The following RAPGEF4 variants were observed in gnomAD, a reference collection of about 807,000 sequenced individuals.
The protein encoded by RAPGEF4 is RAP guanine-nucleotide-exchange factor (GEF) 4.
A neutral mutation model predicts 147.9 loss-of-function variants in RAPGEF4; 66 were observed. That is an observed-to-expected ratio of 0.45 (90% CI 0.37 to 0.55). RAPGEF4 has a LOEUF of 0.55. RAPGEF4 is among the 20% of genes least tolerant of loss of function. RAPGEF4 has a pLI of 0.00. For synonymous variants in RAPGEF4, 419 were observed against 442.7 expected, an observed-to-expected ratio of 0.95 and a Z score of 0.67; for missense variants, 1,071 against 1,257.3, an observed-to-expected ratio of 0.85 and a Z score of 2.24.
chr2:172,943,340 T>A (rs1687358956), intron 6 of RAPGEF4, among the ~76,000 whole-genome samples: 1 of 152,048 alleles, frequency 6.6e-6, no homozygotes, highest in Non-Finnish European at 1.5e-5. Flanking sequence ...AAGGGGAAGG[T>A]AAGCAAGGAC....
intron 1 of RAPGEF4, among the ~76,000 whole-genome samples, chr2:172,753,902 C>CT: frequency 7.8e-6 from 1 of 127,434 alleles, no homozygotes; most frequent in Non-Finnish European, 1.7e-5. Flanking sequence ...ACACACACAC[C>CT]CGACACACAC....
chr2:172,874,818 A>G (rs1009867803), intron 4 of RAPGEF4, among the ~76,000 whole-genome samples: 8 of 152,224 alleles, frequency 5.3e-5, no homozygotes, highest in African/African-American at 1.9e-4. Flanking sequence ...CTGAGGAATC[A>G]CCACACTGTC....
At chr2:173,002,048 A>G (rs2105807367) in intron 17 of RAPGEF4, among the ~76,000 whole-genome samples, 1 of 146,196 alleles carries the variant, frequency 6.8e-6, no homozygotes, top group South Asian at 2.3e-4. Context: ...AGAAAGGGTT[A>G]TGGAGAAGAA....
chr2:172,793,226 T>C (rs1301705576), intron 1 of RAPGEF4, among the ~76,000 whole-genome samples: 4 of 152,206 alleles, frequency 2.6e-5, no homozygotes, highest in African/African-American at 9.7e-5. Context: ...GTGCTAGTTA[T>C]TAGATTAGGG....
At chr2:173,043,595 C>G (rs1685040375) in intron 29 of RAPGEF4, among the ~76,000 whole-genome samples, 1 of 152,194 alleles carries the variant, frequency 6.6e-6, no homozygotes, top group Non-Finnish European at 1.5e-5. Flanking sequence ...AGAGTCAGTG[C>G]AAGCTGGCTA....
At chr2:172,849,617 G>A (rs886848041) in intron 4 of RAPGEF4, among the ~76,000 whole-genome samples, 27 of 152,144 alleles carry the variant, frequency 1.8e-4, no homozygotes, top group Admixed American at 1.1e-3. Context: ...CTTTGTACAC[G>A]AAGGCACAGC....
intron 29 of RAPGEF4, among the ~76,000 whole-genome samples, chr2:173,045,988 C>A (rs1483849152): frequency 6.6e-6 from 1 of 152,134 alleles, no homozygotes; most frequent in African/African-American, 2.4e-5. Flanking sequence ...TTAAGTTAAC[C>A]CTTCTTTGGC....
At chr2:172,904,353 T>C (rs988515925) in intron 4 of RAPGEF4, among the ~76,000 whole-genome samples, 1 of 152,276 alleles carries the variant, frequency 6.6e-6, no homozygotes, top group Non-Finnish European at 1.5e-5. Context: ...TGGACTGTAG[T>C]AGATTCAGAC....
chr2:172,808,912 C>T (rs1331944780), intron 3 of RAPGEF4, among the ~76,000 whole-genome samples: 1 of 152,212 alleles, frequency 6.6e-6, no homozygotes, highest in African/African-American at 2.4e-5. Context: ...TTGCCTGATG[C>T]CCTGCCTTCC....
chr2:172,790,762 T>C (rs1051512189), intron 1 of RAPGEF4, among the ~76,000 whole-genome samples: 2 of 152,240 alleles, frequency 1.3e-5, no homozygotes, highest in African/African-American at 4.8e-5. Context: ...TTGTGCTTCA[T>C]ATGCCCTTTA....
chr2:173,017,260 A>C, intron 20 of RAPGEF4, 56 bp downstream of exon 20: 1 of 1,563,094 alleles, frequency 6.4e-7, no homozygotes, highest in East Asian at 2.2e-5. Context: ...ACAATTCCCC[A>C]GAAATATTAT....
intron 23 of RAPGEF4, 123 bp from the exon 24 acceptor site, chr2:173,026,449 T>G: frequency 1.9e-6 from 2 of 1,078,204 alleles, no homozygotes; most frequent in African/African-American, 1.6e-5. Flanking sequence ...CCTCAGAGTT[T>G]CCAGATATTC....
chr2:172,749,155 G>A (rs1041516559), intron 1 of RAPGEF4, among the ~76,000 whole-genome samples: 4 of 152,172 alleles, frequency 2.6e-5, no homozygotes, highest in African/African-American at 9.7e-5. Context: ...CTACCATTCT[G>A]GGGTTTGGAG....
intron 1 of RAPGEF4, among the ~76,000 whole-genome samples, chr2:172,760,301 C>T (rs746660918): frequency 5.9e-5 from 9 of 152,096 alleles, no homozygotes; most frequent in Non-Finnish European, 1.2e-4. Flanking sequence ...CAATTATGAA[C>T]ACAGAGCATA....
intron 3 of RAPGEF4, among the ~76,000 whole-genome samples, chr2:172,806,757 A>C (rs1559051053): frequency 6.6e-6 from 1 of 152,176 alleles, no homozygotes; most frequent in Non-Finnish European, 1.5e-5. Context: ...TATCACTGTG[A>C]AATTATCTGG....
intron 1 of RAPGEF4, among the ~76,000 whole-genome samples, chr2:172,737,910 G>A (rs1693956185): frequency 6.6e-6 from 1 of 152,176 alleles, no homozygotes; most frequent in African/African-American, 2.4e-5. Flanking sequence ...GAAAAAAAAG[G>A]TGAAATAGTT....
chr2:172,880,360 C>T lies in RAPGEF4; in HGVS notation c.445-37442C>T, dbSNP rs543931212. ...AGCATTGCATCTCCCTGACACCTTC[C>T]TGAACTTCTATAAGTACACATTGCA... On this transcript the variant is annotated intron_variant, in intron 4 of 30. Coordinates refer to ENST00000397081, the MANE Select transcript of RAPGEF4 (RefSeq NM_007023.4). Among the ~76,000 whole-genome samples, 8 of 152,344 alleles carry T rather than the reference C, an allele frequency of 5.3e-5. No individual in the cohort carries two copies. In the South Asian group the frequency reaches 1.5e-3, roughly 28 times the overall value.
At chr2:172,812,182 GAGTGGACGC>G (rs1443295432) in intron 3 of RAPGEF4, among the ~76,000 whole-genome samples, 1 of 152,156 alleles carries the variant, frequency 6.6e-6, no homozygotes, top group African/African-American at 2.4e-5. Flanking sequence ...CCTTAAATTT[GAGTGGACGC>G]AGTGTGAAAG....
intron 3 of RAPGEF4, among the ~76,000 whole-genome samples, chr2:172,799,247 G>A (rs1249730541): frequency 2.0e-5 from 3 of 152,084 alleles, no homozygotes; most frequent in East Asian, 1.9e-4. Context: ...GAGGTAGGTC[G>A]TATTACTGTT....
Sources: allele counts gnomAD v4.1 joint callset (sites outside exome capture counted in the v4.1 genomes callset), GRCh38; gene constraint gnomAD v4.1.1; transcripts MANE v1.5; gene names NCBI Gene and HGNC (gene_info 2026-07-23, HGNC 2026-07-21).